PPP1R12B: variants seen among roughly 807,000 people sequenced by gnomAD.
PPP1R12B encodes myosin phosphatase target subunit 2.
PPP1R12B carries 76 observed loss-of-function variants against 126.1 expected under a neutral mutation model. The ratio of observed to expected loss-of-function variants is 0.60; its 90% CI spans 0.50 to 0.73. The LOEUF (loss-of-function observed/expected upper bound fraction) is 0.73, where lower values mean the gene tolerates loss of function less well. Among genes scored for constraint, PPP1R12B ranks in the 30% least tolerant of loss-of-function variants. PPP1R12B has a pLI of 0.00. For missense variants in PPP1R12B, 1,052 were observed against 1,205.1 expected (o/e 0.87, Z 1.88); for synonymous variants, 356 against 434.7 (o/e 0.82, Z 2.25).
chr1:202,523,875 C>G (rs927005799), intron 18 of PPP1R12B, among the ~76,000 whole-genome samples: 5 of 152,014 alleles, frequency 3.3e-5, no homozygotes, highest in African/African-American at 1.2e-4. Flanking sequence ...CCACCACGCC[C>G]AGCTAATTTT....
intron 14 of PPP1R12B, among the ~76,000 whole-genome samples, chr1:202,491,472 C>T (rs1436111961): frequency 6.6e-6 from 1 of 152,094 alleles, no homozygotes; most frequent in Non-Finnish European, 1.5e-5. Flanking sequence ...AATAGCCACC[C>T]TAATGGGTGT....
intron 9 of PPP1R12B, among the ~76,000 whole-genome samples, chr1:202,435,386 G>A (rs1029371178): frequency 1.7e-4 from 26 of 152,328 alleles, no homozygotes; most frequent in African/African-American, 4.8e-4. Context: ...AAGTTAAGAT[G>A]CCTACATGTA....
chr1:202,401,295 G>A (rs1665793014), intron 1 of PPP1R12B, among the ~76,000 whole-genome samples: 1 of 144,714 alleles, frequency 6.9e-6, no homozygotes, highest in African/African-American at 2.5e-5. Flanking sequence ...GTTTAAGCAA[G>A]TTATTCATCT....
At chr1:202,509,432 A>G (rs1256634427) in intron 18 of PPP1R12B, among the ~76,000 whole-genome samples, 2 of 152,192 alleles carry the variant, frequency 1.3e-5, no homozygotes, top group African/African-American at 4.8e-5. Context: ...AAAGTCTGAA[A>G]TGGTTCTCCT....
At chr1:202,476,664 C>T (rs1443320630) in intron 13 of PPP1R12B, among the ~76,000 whole-genome samples, 3 of 149,552 alleles carry the variant, frequency 2.0e-5, no homozygotes, top group African/African-American at 4.9e-5. Context: ...GCCTGGGAGA[C>T]GGAGCAAGAC....
At chr1:202,440,900 T>C (rs1671518516) in intron 11 of PPP1R12B, 112 bp downstream of exon 11, 1 of 810,202 alleles carries the variant, frequency 1.2e-6, no homozygotes, top group Non-Finnish European at 2.0e-6. Flanking sequence ...CTTACCACAT[T>C]ATGAATTGTT....
chr1:202,468,616 A>T (rs1051326711), intron 13 of PPP1R12B, among the ~76,000 whole-genome samples: 1 of 152,130 alleles, frequency 6.6e-6, no homozygotes, highest in Non-Finnish European at 1.5e-5. Flanking sequence ...CAGCTCCCTT[A>T]CAAGATCTTG....
chr1:202,451,865 C>G (rs1339552836), intron 13 of PPP1R12B, among the ~76,000 whole-genome samples: 1 of 151,984 alleles, frequency 6.6e-6, no homozygotes, highest in Admixed American at 6.5e-5. Flanking sequence ...ACCTCCCTTC[C>G]GGACGGGGTG....
chr1:202,466,994 C>T (rs911257285), intron 13 of PPP1R12B, among the ~76,000 whole-genome samples: 1 of 152,100 alleles, frequency 6.6e-6, no homozygotes, highest in Non-Finnish European at 1.5e-5. Flanking sequence ...GTCTGTCATT[C>T]TCCTTAAGAA....
intron 18 of PPP1R12B, among the ~76,000 whole-genome samples, chr1:202,555,354 G>A (rs1220673924): frequency 0.014 from 285 of 20,560 alleles, 1 homozygote; most frequent in Middle Eastern, 0.021. Context: ...AAAAAAAAAA[G>A]CTTGTTTCGT....
chr1:202,467,056 T>G (rs1193071159), intron 13 of PPP1R12B, among the ~76,000 whole-genome samples: 1 of 152,118 alleles, frequency 6.6e-6, no homozygotes, highest in East Asian at 1.9e-4. Flanking sequence ...CCCTCCTAAC[T>G]GGGCCTTCCT....
At chr1:202,572,636 C>T (rs570612493) in intron 23 of PPP1R12B, among the ~76,000 whole-genome samples, 9 of 152,134 alleles carry the variant, frequency 5.9e-5, no homozygotes, top group Non-Finnish European at 1.2e-4. Context: ...CTGGTCTTGG[C>T]GCCCACATCA....
chr1:202,502,521 C>G (rs1415284527), intron 18 of PPP1R12B: 1 of 925,620 alleles, frequency 1.1e-6, no homozygotes, highest in African/African-American at 1.8e-5. Context: ...TTTTAAGCGC[C>G]GATTATGATC....
intron 13 of PPP1R12B, among the ~76,000 whole-genome samples, chr1:202,462,589 A>G (rs900521608): frequency 2.6e-5 from 4 of 152,218 alleles, no homozygotes; most frequent in Admixed American, 6.5e-5. Flanking sequence ...AGCCCTTATC[A>G]GCCATGTTTT....
intron 1 of PPP1R12B, among the ~76,000 whole-genome samples, chr1:202,369,303 CA>C (rs1428053987): frequency 6.6e-6 from 1 of 152,150 alleles, no homozygotes; most frequent in African/African-American, 2.4e-5. Flanking sequence ...GAATTAAGTC[CA>C]ATCATAGTTT....
intron 13 of PPP1R12B, among the ~76,000 whole-genome samples, chr1:202,457,319 G>T (rs1395874281): frequency 6.6e-6 from 1 of 152,162 alleles, no homozygotes; most frequent in Admixed American, 6.5e-5. Context: ...GGAGGCCGAG[G>T]CGGGTGGACT....
intron 18 of PPP1R12B, among the ~76,000 whole-genome samples, chr1:202,501,205 A>G (rs1399767713): frequency 6.6e-6 from 1 of 152,230 alleles, no homozygotes; most frequent in Non-Finnish European, 1.5e-5. Flanking sequence ...TTCTAATTAT[A>G]TCTGAAAATG....
At chr1:202,499,869 G>T (rs1680007046) in intron 18 of PPP1R12B, among the ~76,000 whole-genome samples, 1 of 152,156 alleles carries the variant, frequency 6.6e-6, no homozygotes, top group African/African-American at 2.4e-5. Context: ...CATAATGTTT[G>T]CTATCAATAG....
At chr1:202,564,941 C>G (rs931127202) in intron 21 of PPP1R12B, among the ~76,000 whole-genome samples, 6 of 152,110 alleles carry the variant, frequency 3.9e-5, no homozygotes, top group African/African-American at 1.2e-4. Flanking sequence ...CCTATTAAAC[C>G]TAGGGCAGAG....
Sources: allele counts gnomAD v4.1 joint callset (sites outside exome capture counted in the v4.1 genomes callset), GRCh38; gene constraint gnomAD v4.1.1; transcripts MANE v1.5; gene names NCBI Gene and HGNC (gene_info 2026-07-23, HGNC 2026-07-21).